The following TACC1 variants were observed in gnomAD, a reference collection of about 807,000 sequenced individuals.
TACC1 encodes the protein transforming acidic coiled-coil containing protein 1, also known as transforming acidic coiled-coil-containing protein 1.
Under a neutral mutation model 84.4 loss-of-function variants are expected in TACC1, and 48 were observed. The ratio of observed to expected loss-of-function variants is 0.57; its 90% CI spans 0.45 to 0.72. The LOEUF (loss-of-function observed/expected upper bound fraction) is 0.72, where lower values mean the gene tolerates loss of function less well. Among genes scored for constraint, TACC1 ranks in the 30% least tolerant of loss-of-function variants. The pLI, the probability that TACC1 is intolerant of heterozygous loss-of-function variation, is 0.00. For synonymous variants in TACC1, 372 were observed against 376.3 expected, an observed-to-expected ratio of 0.99 and a Z score of 0.13; for missense variants, 920 against 973.0, an observed-to-expected ratio of 0.95 and a Z score of 0.72.
chr8:38,792,136 G>A (rs949585344), intron 2 of TACC1, among the ~76,000 whole-genome samples: 2 of 152,232 alleles, frequency 1.3e-5, no homozygotes, highest in Non-Finnish European at 2.9e-5. Context: ...ACTGGTAGCT[G>A]TAAAGCTTGG....
At chr8:38,741,267 T>C (rs929665161) in intron 1 of TACC1, among the ~76,000 whole-genome samples, 25 of 151,986 alleles carry the variant, frequency 1.6e-4, no homozygotes, top group Non-Finnish European at 4.4e-5. Context: ...GCAGTTCTCC[T>C]GCCTCAGCCT....
chr8:38,789,375 A>C (rs1187636769), intron 2 of TACC1, among the ~76,000 whole-genome samples: 6 of 152,120 alleles, frequency 3.9e-5, no homozygotes, highest in African/African-American at 1.4e-4. Flanking sequence ...TGTCTCACTT[A>C]ATTAGTAGAA....
chr8:38,805,317 A>AT (rs1338185865), intron 2 of TACC1: 19 of 152,356 alleles, frequency 1.2e-4, no homozygotes, highest in Non-Finnish European at 1.9e-4. Flanking sequence ...ATAAAGCATC[A>AT]TTTTTTCTAG....
rs1817512061 is a variant in TACC1 at position 38,787,441 on chromosome 8, C to T, written c.-142C>T. The stretch of plus-strand genomic sequence containing the variant: ...GGAAGCGCTCCACCAGGGCCCCCGA[C>T]GGCACTCGTTTAACCACATCCGCGC... On this transcript the variant is annotated 5_prime_UTR_variant, in exon 1 of 13. It adds an upstream start codon to the 5' untranslated region. Transcript: ENST00000317827. The T allele has an allele frequency of 1.5e-6, 2 of 1,357,686 alleles. No individual in the cohort carries two copies. The highest frequency in any genetic ancestry group is 1.9e-6 in the Non-Finnish European group (2 of 1,061,264). 84.1% of individuals were successfully genotyped at this position (1,357,686 alleles called of 1,614,324 possible).
At chr8:38,774,116 T>C (rs573594500) in intron 3 of TACC1, among the ~76,000 whole-genome samples, 2 of 152,170 alleles carry the variant, frequency 1.3e-5, no homozygotes, top group Non-Finnish European at 2.9e-5. Context: ...AGTGTCTTGA[T>C]GAAGGAACGC....
In TACC1 at chr8:38,787,342, C is replaced by T. The variant is rs568732881; in HGVS notation, c.-241C>T. The stretch of plus-strand genomic sequence containing the variant: ...GGGCGTCTTCCCGGCTAGTGGAGCC[C>T]GGCGCGGGGCCCGCTGCGGCCGCAC... On this transcript the variant is annotated 5_prime_UTR_variant, in exon 1 of 13. Coordinates refer to ENST00000317827, the MANE Select transcript of TACC1 (RefSeq NM_006283.3). 158 of 1,295,800 alleles carry T rather than the reference C, an allele frequency of 1.2e-4. 4 individuals carry two copies. In the South Asian group the frequency reaches 2.7e-3, roughly 22 times the overall value. The allele number at this position is 1,295,800 out of a possible 1,614,324, so 80.3% of individuals were successfully genotyped here.
Position 38,827,168 on chromosome 8 carries a change from G to T in TACC1, c.1453G>T (p.Asp485Tyr). Residue 485 changes from aspartate to tyrosine, a missense_variant and splice_region_variant, in exon 5 of 13, where the codon GAT becomes TAT. Asp to Tyr is a radical substitution (Grantham distance 160). Around this residue, in one of 2 missense-constraint regions of TACC1, gnomAD observed 762 missense variants for 747.3 expected, o/e 1.02. Coordinates refer to ENST00000317827, the MANE Select transcript of TACC1 (RefSeq NM_006283.3). ...QSLALDACSR[D>Y]EGAVISQISD... Reference sequence around the variant, plus strand: ...GCATCTTCTCTGTTGTGTTTCTCAGGATGAAGGGGCAGTGATCTCCCAGAT... The same window carrying T: ...GCATCTTCTCTGTTGTGTTTCTCAGTATGAAGGGGCAGTGATCTCCCAGAT... 1 of 1,613,030 alleles carries T rather than the reference G, an allele frequency of 6.2e-7. No individual in the cohort carries two copies.
intron 6 of TACC1, 31 bp from the exon 7 acceptor site, chr8:38,836,131 G>C (rs1830177450): frequency 6.2e-7 from 1 of 1,610,544 alleles, no homozygotes; most frequent in African/African-American, 1.3e-5. Context: ...GCTGAAAGCT[G>C]ACAGATTCAG....
chr8:38,847,525 T>C (rs1473161507), intron 12 of TACC1, among the ~76,000 whole-genome samples: 1 of 152,252 alleles, frequency 6.6e-6, no homozygotes, highest in Non-Finnish European at 1.5e-5. Flanking sequence ...TGCCATCCAT[T>C]CATCAAGAGC....
At chr8:38,843,228 T>C in intron 10 of TACC1, 61 bp from the exon 11 acceptor site, 2 of 1,126,608 alleles carry the variant, frequency 1.8e-6, no homozygotes, top group South Asian at 3.4e-5. Flanking sequence ...AAAACTCTGA[T>C]ATGTGGTAGA....
chr8:38,823,714 C>G lies in TACC1; in HGVS notation c.1392-1594C>G, dbSNP rs117825029. 2.4e-3 allele frequency among the ~76,000 whole-genome samples: 368 copies of G among 152,212 alleles called. 11 individuals carry two copies. In the East Asian group the frequency reaches 0.062, roughly 25 times the overall value. On this transcript the variant is annotated intron_variant, in intron 3 of 12. Coordinates refer to ENST00000317827, the MANE Select transcript of TACC1 (RefSeq NM_006283.3). ...TTGTTCTTTTTAGAAGAAAGGAGTG[C>G]TAGACCTCTTGGAAGTTTATTTTTC...
intron 3 of TACC1, among the ~76,000 whole-genome samples, chr8:38,754,944 C>T (rs1431735666): frequency 1.3e-5 from 2 of 152,158 alleles, no homozygotes; most frequent in African/African-American, 4.8e-5. Context: ...AGGCGGATCA[C>T]AAGGACAGGA....
At chr8:38,788,189 T>C (rs1341505234) in intron 1 of TACC1, 1 of 176,528 alleles carries the variant, frequency 5.7e-6, no homozygotes, top group Non-Finnish European at 1.2e-5. Context: ...GACAGGCCCC[T>C]GGCAGCTGCT....
At chr8:38,758,594 A>G (rs1383989029) in intron 3 of TACC1, among the ~76,000 whole-genome samples, 1 of 145,354 alleles carries the variant, frequency 6.9e-6, no homozygotes, top group Non-Finnish European at 1.5e-5. Context: ...CAGGAGAATC[A>G]CTTGAACCCA....
intron 12 of TACC1, among the ~76,000 whole-genome samples, chr8:38,847,581 C>T (rs558143720): frequency 1.3e-5 from 2 of 152,278 alleles, no homozygotes; most frequent in African/African-American, 2.4e-5. Context: ...ACGGTGCTCC[C>T]TGGGAGATTC....
chr8:38,742,214 C>T (rs1587121108), intron 1 of TACC1: 4 of 426,774 alleles, frequency 9.4e-6, no homozygotes, highest in South Asian at 7.9e-5. Flanking sequence ...TGTTAGAAAA[C>T]GGTGACACAC....
chr8:38,738,575 C>T (rs924975804), intron 1 of TACC1, among the ~76,000 whole-genome samples: 28 of 152,122 alleles, frequency 1.8e-4, no homozygotes, highest in African/African-American at 5.5e-4. Flanking sequence ...GTTCCAGCTT[C>T]GCCCATTGAG....
rs1587676413 is a variant in TACC1, at chr8:38,787,499, C to T, written c.-84C>T. 4 of 1,414,694 alleles carry T rather than the reference C, an allele frequency of 2.8e-6. No homozygotes were observed. Among genetic ancestry groups the T allele is most frequent in the Non-Finnish European group, 3.7e-6 (4 of 1,087,844 alleles). 87.6% of individuals were successfully genotyped at this position (1,414,694 alleles called of 1,614,324 possible). On this transcript the variant is annotated 5_prime_UTR_variant, in exon 1 of 13. Coordinates refer to ENST00000317827, the MANE Select transcript of TACC1 (RefSeq NM_006283.3). ...GGAAACGCTTGCTGGCGCCTGTCAC[C>T]GGTTCCCTCCATTTTGAAAGGGAAA...
rs2152205171 is a variant in TACC1, at chr8:38,819,759, A to G, written c.515A>G (p.His172Arg). The change falls in exon 3 of 13, where the codon CAT becomes CGT. Residue 172 changes from histidine (H) to arginine (R), a missense_variant. Physicochemically the swap from His to Arg is conservative, Grantham distance 29. Coordinates refer to ENST00000317827, the MANE Select transcript of TACC1 (RefSeq NM_006283.3). The part of the protein sequence containing the change: ...ISAVLGTKAA[H>R]GCVTAVSGKA... ...GCAGTCCTCGGAACAAAAGCAGCTC[A>G]TGGCTGTGTAACTGCAGTCTCAGGC... The G allele has an allele frequency of 6.2e-7, 1 of 1,604,016 alleles. No homozygotes were observed. The highest frequency in any genetic ancestry group is 2.2e-5 in the East Asian group (1 of 44,820).
Sources: allele counts gnomAD v4.1 joint callset (sites outside exome capture counted in the v4.1 genomes callset), GRCh38; gene constraint gnomAD v4.1.1; regional missense constraint gnomAD v4.1.1; transcripts MANE v1.5; gene names NCBI Gene and HGNC (gene_info 2026-07-23, HGNC 2026-07-21).